KIAA0319L: variants seen among roughly 807,000 people sequenced by gnomAD.
KIAA0319L encodes the protein KIAA0319 like.
KIAA0319L carries 55 observed loss-of-function variants against 120.1 expected under a neutral mutation model. The ratio of observed to expected loss-of-function variants is 0.46; its 90% CI spans 0.37 to 0.57. KIAA0319L has a LOEUF of 0.57. KIAA0319L is among the 20% of genes least tolerant of loss of function. The pLI is 0.00. For missense variants in KIAA0319L, 1,049 were observed against 1,255.3 expected, an observed-to-expected ratio of 0.84 and a Z score of 2.48; for synonymous variants, 398 against 471.9, an observed-to-expected ratio of 0.84 and a Z score of 2.03.
chr1:35,550,098 A>C (rs1647143278), intron 2 of KIAA0319L, among the ~76,000 whole-genome samples: 1 of 152,276 alleles, frequency 6.6e-6, no homozygotes, highest in South Asian at 2.1e-4. Context: ...AGGAAAACAC[A>C]GACAGACCAT....
At position 35,538,590 on chromosome 1, in the gene KIAA0319L, C is replaced by CAA. The variant is rs757522421; in HGVS notation, c.142+15758_142+15759dup. ...TGGGCAACAGAGTGAAACTCTGTCT[C>CAA]AAAAAAAAAAAAAAAAAAAAAAAAA... On this transcript the variant is annotated intron_variant, in intron 2 of 20. Coordinates refer to ENST00000325722, the MANE Select transcript of KIAA0319L (RefSeq NM_024874.5). 4.4e-3 allele frequency among the ~76,000 whole-genome samples: 140 copies of CAA among 31,896 alleles called. 1 individual carries two copies. The highest frequency in any genetic ancestry group is 6.3e-3 in the Non-Finnish European group (75 of 11,964). The allele number at this position is 31,896 out of a possible 152,430, so 20.9% of individuals were successfully genotyped here.
chr1:35,456,911 G>GGAAT (rs1443536102), intron 9 of KIAA0319L, among the ~76,000 whole-genome samples: 2 of 117,392 alleles, frequency 1.7e-5, no homozygotes, highest in Admixed American at 9.7e-5. Flanking sequence ...AAAGAAGGAA[G>GGAAT]GAATGAAGGA....
chr1:35,511,133 ATTTGCTGGGCAAATCTCC>A (rs1466643766), intron 2 of KIAA0319L: 15 of 152,718 alleles, frequency 9.8e-5, no homozygotes, highest in African/African-American at 3.6e-4. Flanking sequence ...GTATAGAAAG[ATTTGCTGGGCAAATCTCC>A]TTTGCTGGGC....
Position 35,508,898 on chromosome 1 carries a change from A to T in KIAA0319L, c.143-1763T>A, listed in dbSNP as rs188625320. Among the ~76,000 whole-genome samples, 30 of 152,338 alleles carry T rather than the reference A, an allele frequency of 2.0e-4. No individual in the cohort carries two copies. The East Asian group carries it at 5.6e-3, about 28-fold the overall frequency. ...CTGATATATTATTTAATTTTTAAAAATGCAATACAACTTCCACTTCTGCTC... is the reference window on the plus strand; with the variant it reads ...CTGATATATTATTTAATTTTTAAAATTGCAATACAACTTCCACTTCTGCTC... On this transcript the variant is annotated intron_variant, in intron 2 of 20. Coordinates refer to ENST00000325722, the MANE Select transcript of KIAA0319L (RefSeq NM_024874.5).
chr1:35,520,995 T>C (rs930400470), intron 2 of KIAA0319L, among the ~76,000 whole-genome samples: 1 of 152,168 alleles, frequency 6.6e-6, no homozygotes, highest in Non-Finnish European at 1.5e-5. Context: ...CTGTTTGAGA[T>C]AGAAAATAAT....
rs1167328810 is a variant in KIAA0319L, at chr1:35,536,355, CT to C, written c.142+17994del. On this transcript the variant is annotated intron_variant, in intron 2 of 20. Transcript: ENST00000325722. ...CATGAAAGGACCAACCAAATTTCAG[CT>C]CCCTGAGCTACCTATTTCAGACCAT... Among the ~76,000 whole-genome samples the C allele has an allele frequency of 1.4e-4, 21 of 152,350 alleles. 1 individual carries two copies. Among genetic ancestry groups the C allele is most frequent in the Admixed American group, 1.3e-3 (20 of 15,306 alleles).
chr1:35,505,485 A>G (rs968522185), intron 3 of KIAA0319L, among the ~76,000 whole-genome samples: 2 of 152,204 alleles, frequency 1.3e-5, no homozygotes, highest in African/African-American at 2.4e-5. Context: ...CATTGTGTAC[A>G]TAAGTATGTT....
At chr1:35,493,186 AGCAAGATTACAAG>A (rs1644663802) in intron 3 of KIAA0319L, among the ~76,000 whole-genome samples, 2 of 152,356 alleles carry the variant, frequency 1.3e-5, no homozygotes, top group Admixed American at 1.3e-4. Context: ...AAATAAGTTT[AGCAAGATTACAAG>A]ATACAAGACC....
At chr1:35,543,579 C>G (rs941519842) in intron 2 of KIAA0319L, among the ~76,000 whole-genome samples, 1 of 152,182 alleles carries the variant, frequency 6.6e-6, no homozygotes, top group Non-Finnish European at 1.5e-5. Flanking sequence ...AGGAAAAAGA[C>G]ACCACTGGCT....
At chr1:35,500,213 C>T (rs1368735982) in intron 3 of KIAA0319L, among the ~76,000 whole-genome samples, 1 of 152,184 alleles carries the variant, frequency 6.6e-6, no homozygotes, top group Admixed American at 6.5e-5. Context: ...GCACTTTTTT[C>T]TCTGGCACAT....
At position 35,470,363 on chromosome 1, in the gene KIAA0319L, T is replaced by A. The variant is rs1635714; in HGVS notation, c.1113+500A>T. On this transcript the variant is annotated intron_variant, in intron 6 of 20. Transcript: ENST00000325722. ...CAAAAATTAGCCAGGTATAATGGCA[T>A]GACCCTGCAGTCTCAGCTACTCAGG... 4.8e-3 allele frequency among the ~76,000 whole-genome samples: 728 copies of A among 151,914 alleles called. 9 individuals are homozygous for A. Among genetic ancestry groups the A allele is most frequent in the African/African-American group, 0.016 (672 of 41,484 alleles).
intron 3 of KIAA0319L, among the ~76,000 whole-genome samples, chr1:35,487,096 G>A (rs1277636723): frequency 1.3e-5 from 2 of 151,976 alleles, no homozygotes; most frequent in African/African-American, 2.4e-5. Context: ...TTGGTTTAAC[G>A]TTGGACATTC....
chr1:35,441,004 G>A (rs760643239), intron 20 of KIAA0319L, 43 bp downstream of exon 20: 1 of 1,456,622 alleles, frequency 6.9e-7, no homozygotes, highest in Admixed American at 1.7e-5. Context: ...CTTCCACAGA[G>A]AGAGTGCACA....
chr1:35,539,077 G>GAC (rs1404717447), intron 2 of KIAA0319L, among the ~76,000 whole-genome samples: 2 of 151,922 alleles, frequency 1.3e-5, no homozygotes, highest in South Asian at 2.1e-4. Flanking sequence ...CTCTTTCTTT[G>GAC]ACACACACAC....
intron 12 of KIAA0319L, among the ~76,000 whole-genome samples, chr1:35,452,910 G>A (rs1169317249): frequency 6.6e-6 from 1 of 152,104 alleles, no homozygotes; most frequent in African/African-American, 2.4e-5. Flanking sequence ...TTTGGAAACA[G>A]AGAATACTTT....
At chr1:35,528,004 T>C (rs1646219385) in intron 2 of KIAA0319L, among the ~76,000 whole-genome samples, 1 of 152,158 alleles carries the variant, frequency 6.6e-6, no homozygotes, top group Non-Finnish European at 1.5e-5. Context: ...GATGTAGGTG[T>C]TTATTGCTCT....
chr1:35,462,415 G>T (rs953168669), intron 8 of KIAA0319L, among the ~76,000 whole-genome samples: 4 of 152,162 alleles, frequency 2.6e-5, no homozygotes, highest in Non-Finnish European at 4.4e-5. Flanking sequence ...ACTTCAAATA[G>T]GCTACCTGGG....
chr1:35,445,151 T>C (rs1641525476), intron 16 of KIAA0319L, among the ~76,000 whole-genome samples: 1 of 152,096 alleles, frequency 6.6e-6, no homozygotes, highest in Non-Finnish European at 1.5e-5. Flanking sequence ...ACCAGTTGCT[T>C]CCAATACAAG....
In KIAA0319L at chr1:35,449,876, C is replaced by A. The variant is rs1641922683; in HGVS notation, c.2344G>T (p.Val782Leu). The change falls in exon 15 of 21, where the codon GTG becomes TTG. Residue 782 changes from valine to leucine, a missense_variant. Coordinates refer to ENST00000325722, the MANE Select transcript of KIAA0319L (RefSeq NM_024874.5). ...CACTAAATGAACTCACCAGGTTTCA[C>A]CTCCACAGTGGTCCGGTCTGTGTCA... is the stretch of plus-strand genomic sequence containing the variant. ...ESDTDRTTVE[V>L]KPDPRKNNLV... The A allele has an allele frequency of 3.1e-6, 5 of 1,613,990 alleles. No individual in the cohort carries two copies. In the Admixed American group the frequency reaches 5.0e-5, roughly 16 times the overall value.
Sources: allele counts gnomAD v4.1 joint callset (sites outside exome capture counted in the v4.1 genomes callset), GRCh38; gene constraint gnomAD v4.1.1; transcripts MANE v1.5; gene names NCBI Gene and HGNC (gene_info 2026-07-23, HGNC 2026-07-21).